Variants in ARHGAP24 observed in about 807,000 individuals in gnomAD.
ARHGAP24 encodes rho GTPase-activating protein 24.
In ARHGAP24, 50 loss-of-function variants were observed where a neutral mutation model predicts 76.4. The observed-to-expected ratio is 0.65, with a 90% CI of 0.52 to 0.83. The LOEUF is 0.83. Among genes scored for constraint, ARHGAP24 ranks in the 40% least tolerant of loss-of-function variants. The pLI, the probability that ARHGAP24 is intolerant of heterozygous loss-of-function variation, is 0.00. For missense variants in ARHGAP24, 930 were observed against 914.2 expected (o/e 1.02, Z -0.22); for synonymous variants, 345 against 323.3 (o/e 1.07, Z -0.72).
intron 1 of ARHGAP24, among the ~76,000 whole-genome samples, chr4:85,540,697 C>A (rs950961596): frequency 6.6e-6 from 1 of 152,102 alleles, no homozygotes; most frequent in Non-Finnish European, 1.5e-5. Context: ...ACATCTGGCT[C>A]CATGCAATAA....
rs137964864 is a variant in ARHGAP24 at position 85,677,909 on chromosome 4, G to A, written c.181-43976G>A. ...TAGAGAATTAGCCAGACATGGGGCC[G>A]TGTGCCCGTAGTCCCAGTTATTGGG... On this transcript the variant is annotated intron_variant, in intron 2 of 9. Transcript: ENST00000395184. Among the ~76,000 whole-genome samples the A allele has an allele frequency of 7.5e-3, 1,146 of 152,158 alleles. 14 individuals carry two copies. Among genetic ancestry groups the A allele is most frequent in the African/African-American group, 0.026 (1,093 of 41,506 alleles).
intron 5 of ARHGAP24, among the ~76,000 whole-genome samples, chr4:85,961,841 C>A (rs1004106119): frequency 1.3e-5 from 2 of 152,028 alleles, no homozygotes; most frequent in African/African-American, 4.8e-5. Context: ...CATGAAAACA[C>A]CGATAATACT....
At chr4:85,734,636 A>ATT (rs34647342) in intron 3 of ARHGAP24, among the ~76,000 whole-genome samples, 2,739 of 101,872 alleles carry the variant, frequency 0.027, 120 homozygotes, top group Admixed American at 0.054. Flanking sequence ...AATTCAGGGA[A>ATT]TTTTTTTTTT....
At chr4:85,819,301 TC>T (rs1729371603) in intron 3 of ARHGAP24, among the ~76,000 whole-genome samples, 1 of 152,212 alleles carries the variant, frequency 6.6e-6, no homozygotes, top group Admixed American at 6.5e-5. Flanking sequence ...CTCTTTAGAT[TC>T]TCAGTTTACA....
intron 2 of ARHGAP24, among the ~76,000 whole-genome samples, chr4:85,618,860 T>C (rs906070954): frequency 2.6e-5 from 4 of 152,126 alleles, no homozygotes; most frequent in Admixed American, 2.6e-4. Context: ...GAATTTCTTA[T>C]ATGTTTTTGA....
At chr4:85,942,821 T>C (rs1737029593) in intron 5 of ARHGAP24, among the ~76,000 whole-genome samples, 4 of 152,044 alleles carry the variant, frequency 2.6e-5, no homozygotes, top group Admixed American at 2.6e-4. Flanking sequence ...CACTCCTAAC[T>C]CCACTAATAA....
At chr4:85,912,442 A>G (rs1486461841) in intron 3 of ARHGAP24, among the ~76,000 whole-genome samples, 1 of 152,198 alleles carries the variant, frequency 6.6e-6, no homozygotes. Context: ...AACCAATTGT[A>G]ATTGCTTAAG....
chr4:85,855,333 C>T (rs144657537), intron 3 of ARHGAP24, among the ~76,000 whole-genome samples: 4 of 152,066 alleles, frequency 2.6e-5, no homozygotes, highest in Non-Finnish European at 4.4e-5. Flanking sequence ...AAGTGGGGTA[C>T]ATAGGAAAAA....
chr4:85,555,224 G>A (rs1366169779), intron 1 of ARHGAP24, among the ~76,000 whole-genome samples: 1 of 152,164 alleles, frequency 6.6e-6, no homozygotes, highest in East Asian at 1.9e-4. Flanking sequence ...CAGAGTTCTT[G>A]TGCTGGTTCT....
At chr4:85,920,249 G>A (rs1735649282) in intron 3 of ARHGAP24, among the ~76,000 whole-genome samples, 1 of 152,054 alleles carries the variant, frequency 6.6e-6, no homozygotes, top group South Asian at 2.1e-4. Context: ...CTAACACAGT[G>A]CTAGTATTTT....
chr4:85,549,734 T>C (rs1318848035), intron 1 of ARHGAP24, among the ~76,000 whole-genome samples: 5 of 152,156 alleles, frequency 3.3e-5, no homozygotes, highest in African/African-American at 1.2e-4. Flanking sequence ...GCTCCACAGG[T>C]AGTTTTTTGA....
chr4:85,669,149 G>C (rs1722736188), intron 2 of ARHGAP24, among the ~76,000 whole-genome samples: 1 of 152,142 alleles, frequency 6.6e-6, no homozygotes, highest in Admixed American at 6.5e-5. Context: ...ACAAAACTCA[G>C]GGGTGCTGAG....
intron 3 of ARHGAP24, among the ~76,000 whole-genome samples, chr4:85,914,139 A>G (rs1170998925): frequency 6.6e-6 from 1 of 152,238 alleles, no homozygotes; most frequent in African/African-American, 2.4e-5. Flanking sequence ...TACAATGCAA[A>G]TAGGCATTTA....
rs568483484 is a variant in ARHGAP24 at position 85,799,949 on chromosome 4, T to C, written c.268+77977T>C. 1.4e-4 allele frequency among the ~76,000 whole-genome samples: 21 copies of C among 152,252 alleles called. No individual in the cohort carries two copies. In the East Asian group the frequency reaches 4.1e-3, roughly 29 times the overall value. The stretch of plus-strand genomic sequence containing the variant: ...ATCACAGACTAGTCATCTTCAAAAA[T>C]GTCAAAGTCATAAATGGCAAAGACA... On this transcript the variant is annotated intron_variant, in intron 3 of 9. Transcript: ENST00000395184.
chr4:85,871,637 T>C (rs369886211), intron 3 of ARHGAP24, among the ~76,000 whole-genome samples: 1 of 152,096 alleles, frequency 6.6e-6, no homozygotes, highest in East Asian at 1.9e-4. Flanking sequence ...TGATGGTTGG[T>C]AAATTGGAAT....
chr4:85,674,434 A>G (rs1475746920), intron 2 of ARHGAP24, among the ~76,000 whole-genome samples: 2 of 152,224 alleles, frequency 1.3e-5, no homozygotes, highest in Admixed American at 6.5e-5. Flanking sequence ...TTACCCCAGA[A>G]TAATACAAAA....
chr4:85,543,862 C>T (rs1023826573), intron 1 of ARHGAP24, among the ~76,000 whole-genome samples: 7 of 152,156 alleles, frequency 4.6e-5, no homozygotes, highest in East Asian at 1.9e-4. Context: ...TAGTAGTAGT[C>T]GTAGTAGAAG....
chr4:85,832,272 T>C (rs1367608131), intron 3 of ARHGAP24, among the ~76,000 whole-genome samples: 1 of 152,134 alleles, frequency 6.6e-6, no homozygotes, highest in African/African-American at 2.4e-5. Flanking sequence ...GTCTAATACC[T>C]GGCCCTGGAG....
At chr4:85,971,536 G>C (rs1020893161) in intron 5 of ARHGAP24, among the ~76,000 whole-genome samples, 5 of 152,012 alleles carry the variant, frequency 3.3e-5, no homozygotes, top group African/African-American at 1.2e-4. Flanking sequence ...AGATATTGTG[G>C]TACAGGCCTA....
Sources: gnomAD v4.1 joint callset for allele counts (sites outside exome capture counted in the v4.1 genomes callset) on GRCh38, gnomAD v4.1.1 for gene constraint, MANE v1.5 for transcripts, NCBI Gene and HGNC (gene_info 2026-07-23, HGNC 2026-07-21) for gene names.